Variants in ADAMTS6 observed in about 807,000 individuals in gnomAD.
ADAMTS6 encodes the protein ADAM metallopeptidase with thrombospondin type 1 motif 6.
Under a neutral mutation model 144.3 loss-of-function variants are expected in ADAMTS6, and 23 were observed. The observed-to-expected ratio is 0.16, with a 90% CI of 0.11 to 0.23. ADAMTS6 has a LOEUF of 0.23. Among genes scored for constraint, ADAMTS6 ranks in the 10% least tolerant of loss-of-function variants. The pLI, the probability that ADAMTS6 is intolerant of heterozygous loss-of-function variation, is 1.00. For synonymous variants in ADAMTS6, 444 were observed against 457.5 expected, an observed-to-expected ratio of 0.97 and a Z score of 0.38; for missense variants, 999 against 1,379.6, an observed-to-expected ratio of 0.72 and a Z score of 4.37.
intron 14 of ADAMTS6, among the ~76,000 whole-genome samples, chr5:65,252,779 C>T (rs763980118): frequency 1.3e-5 from 2 of 151,494 alleles, no homozygotes; most frequent in Admixed American, 6.6e-5. Context: ...TACTATATTA[C>T]ATGGGCTATG....
chr5:65,287,894 C>T (rs996431712), intron 11 of ADAMTS6, among the ~76,000 whole-genome samples: 2 of 152,080 alleles, frequency 1.3e-5, no homozygotes, highest in Admixed American at 6.6e-5. Context: ...ACATAAATAC[C>T]AGAAACTATA....
chr5:65,170,535 G>A, intron 24 of ADAMTS6, 82 bp downstream of exon 24: 1 of 1,464,234 alleles, frequency 6.8e-7, no homozygotes, highest in Non-Finnish European at 9.4e-7. Context: ...TACAGTAGTG[G>A]GTTTACTGTG....
At chr5:65,204,036 G>A (rs187605338) in intron 20 of ADAMTS6, among the ~76,000 whole-genome samples, 1 of 152,254 alleles carries the variant, frequency 6.6e-6, no homozygotes, top group East Asian at 1.9e-4. Context: ...AAAGAGGACT[G>A]ATGAAATGAT....
chr5:65,297,230 C>T (rs1166801642), intron 10 of ADAMTS6: 1 of 455,978 alleles, frequency 2.2e-6, no homozygotes, highest in Admixed American at 2.4e-5. Context: ...TATTGAATCA[C>T]CGAGTTTAAG....
chr5:65,185,369 T>C (rs1022564334), intron 22 of ADAMTS6, among the ~76,000 whole-genome samples: 38 of 152,206 alleles, frequency 2.5e-4, no homozygotes, highest in African/African-American at 8.9e-4. Context: ...CCATTTTTCC[T>C]CTTGAACAAG....
At chr5:65,457,824 TC>T (rs1759338943) in intron 4 of ADAMTS6, among the ~76,000 whole-genome samples, 2 of 150,498 alleles carry the variant, frequency 1.3e-5, no homozygotes, top group African/African-American at 4.9e-5. Context: ...CATTCAGGGT[TC>T]AAGCAATTCT....
chr5:65,193,117 A>C (rs1755117097), intron 21 of ADAMTS6, among the ~76,000 whole-genome samples: 1 of 152,020 alleles, frequency 6.6e-6, no homozygotes, highest in Non-Finnish European at 1.5e-5. Flanking sequence ...CAATGTTTAC[A>C]TTAAAAATAA....
chr5:65,443,283 G>T (rs1053691755), intron 7 of ADAMTS6, among the ~76,000 whole-genome samples: 1 of 152,116 alleles, frequency 6.6e-6, no homozygotes, highest in African/African-American at 2.4e-5. Flanking sequence ...TACATTAAAA[G>T]AATAATACAT....
intron 7 of ADAMTS6, among the ~76,000 whole-genome samples, chr5:65,435,024 T>C (rs6449784): frequency 0.59 from 90,404 of 152,014 alleles, 28,277 homozygotes; most frequent in African/African-American, 0.79. Flanking sequence ...ATCCATATTA[T>C]ACAGCAACTA....
intron 18 of ADAMTS6, among the ~76,000 whole-genome samples, chr5:65,223,240 T>C (rs1757459515): frequency 6.6e-6 from 1 of 152,162 alleles, no homozygotes; most frequent in African/African-American, 2.4e-5. Flanking sequence ...GTTTAAGGTG[T>C]ACAATCTGAT....
chr5:65,305,051 A>T (rs1743796948), intron 9 of ADAMTS6, among the ~76,000 whole-genome samples: 2 of 149,150 alleles, frequency 1.3e-5, no homozygotes, highest in African/African-American at 5.2e-5. Flanking sequence ...ATATAAGACA[A>T]TATATTTTGT....
At chr5:65,381,345 G>A (rs2096749588) in intron 7 of ADAMTS6, among the ~76,000 whole-genome samples, 1 of 151,282 alleles carries the variant, frequency 6.6e-6, no homozygotes, top group South Asian at 2.1e-4. Context: ...AAGCAAAATG[G>A]AAACTATGAA....
chr5:65,337,709 T>C (rs185166454), intron 7 of ADAMTS6, among the ~76,000 whole-genome samples: 1 of 152,128 alleles, frequency 6.6e-6, no homozygotes, highest in South Asian at 2.1e-4. Flanking sequence ...CCCTCTTTCT[T>C]TCTTTTACCT....
At chr5:65,239,014 C>A (rs1341957140) in intron 15 of ADAMTS6, among the ~76,000 whole-genome samples, 1 of 151,924 alleles carries the variant, frequency 6.6e-6, no homozygotes, top group Non-Finnish European at 1.5e-5. Flanking sequence ...GTTAATGGAA[C>A]TTAAACTACC....
chr5:65,407,339 C>CT (rs879407843), intron 7 of ADAMTS6, among the ~76,000 whole-genome samples: 5,794 of 147,334 alleles, frequency 0.039, 174 homozygotes, highest in East Asian at 0.098. Flanking sequence ...ATTCAATGTT[C>CT]TTTTTTTTTT....
At chr5:65,390,034 T>C (rs1752787556) in intron 7 of ADAMTS6, among the ~76,000 whole-genome samples, 1 of 152,174 alleles carries the variant, frequency 6.6e-6, no homozygotes, top group Non-Finnish European at 1.5e-5. Context: ...ACAGATTATA[T>C]AGTAATTCTA....
In ADAMTS6 at chr5:65,452,758, G is replaced by A. The variant is rs1482648872; in HGVS notation, c.792C>T (p.Gly264=). The A allele has an allele frequency of 1.9e-6, 3 of 1,613,900 alleles. No homozygotes were observed. Among genetic ancestry groups the A allele is most frequent in the Admixed American group, 3.3e-5 (2 of 59,982 alleles). The change falls in exon 5 of 25, where the codon GGC becomes GGT. Residue 264 remains glycine, a synonymous_variant. Coordinates refer to ENST00000381055, the MANE Select transcript of ADAMTS6 (RefSeq NM_197941.4). ...TLVVADKMMV[G]YHGRKDIEHY... is the part of the protein sequence containing the mutation. Reference sequence around the variant, plus strand: ...GTTCAATGTCTTTGCGGCCATGGTAGCCCACCATCATTTTGTCTGCCACTA... The same window carrying A: ...GTTCAATGTCTTTGCGGCCATGGTAACCCACCATCATTTTGTCTGCCACTA...
chr5:65,321,340 T>C (rs1056151278), intron 9 of ADAMTS6, among the ~76,000 whole-genome samples: 8 of 152,230 alleles, frequency 5.3e-5, no homozygotes, highest in East Asian at 1.9e-4. Context: ...TGTATGTATG[T>C]CTTGTTTGAA....
intron 20 of ADAMTS6, chr5:65,210,038 G>T: frequency 4.6e-6 from 1 of 216,714 alleles, no homozygotes; most frequent in Non-Finnish European, 9.8e-6. Context: ...AGTTTGCACA[G>T]CATACGCACA....
Sources: gnomAD v4.1 joint callset for allele counts (sites outside exome capture counted in the v4.1 genomes callset) on GRCh38, gnomAD v4.1.1 for gene constraint, MANE v1.5 for transcripts, NCBI Gene and HGNC (gene_info 2026-07-23, HGNC 2026-07-21) for gene names.